The following DAP variants were observed in gnomAD, a reference collection of about 807,000 sequenced individuals.
DAP encodes death associated protein.
A neutral mutation model predicts 13.8 loss-of-function variants in DAP; 8 were observed. The observed-to-expected ratio is 0.58, with a 90% CI of 0.34 to 1.05. The LOEUF (loss-of-function observed/expected upper bound fraction) is 1.05, where lower values mean the gene tolerates loss of function less well. DAP is among the 50% of genes least tolerant of loss of function. The pLI is 0.03. For synonymous variants in DAP, 47 were observed against 47.5 expected, an observed-to-expected ratio of 0.99 and a Z score of 0.04; for missense variants, 106 against 133.2, an observed-to-expected ratio of 0.80 and a Z score of 1.01.
intron 2 of DAP, among the ~76,000 whole-genome samples, chr5:10,730,736 CCCTGGTGGGGGGAATCTTTCTCTACTGAG>C: frequency 8.4e-6 from 1 of 118,368 alleles, no homozygotes; most frequent in Admixed American, 8.9e-5. Flanking sequence ...GTACTGAGAG[CCCTGGTGGGGGGAATCTTTCTCTACTGAG>C]AGCCCTGGTA....
chr5:10,698,424 C>G (rs1404658311), intron 2 of DAP, among the ~76,000 whole-genome samples: 1 of 152,118 alleles, frequency 6.6e-6, no homozygotes, highest in Non-Finnish European at 1.5e-5. Context: ...CCTTCACCCA[C>G]GTTTATAGCA....
rs148041255 is a variant in DAP at position 10,683,530 on chromosome 5, C to T, written c.194G>A (p.Arg65Gln). ...CACCGCAGACACTCCCAGACTTACC[C>T]GGGCGATGACCCCAGAGATGAACAC... Reference protein sequence around the residue: ...PTVFISGVIARGDKDFPPAAA... With the variant: ...PTVFISGVIAQGDKDFPPAAA... Residue 65 changes from arginine (R) to glutamine (Q), a missense_variant and splice_region_variant, in exon 3 of 4, where the codon CGG becomes CAG. Physicochemically the swap from Arg to Gln is conservative, Grantham distance 43 (BLOSUM62 1). Coordinates refer to ENST00000230895, the MANE Select transcript of DAP (RefSeq NM_004394.3). 1.6e-3 allele frequency: 2,651 copies of T among 1,613,988 alleles called. 12 individuals are homozygous for T. Among genetic ancestry groups the T allele is most frequent in the Non-Finnish European group, 1.9e-3 (2,244 of 1,179,978 alleles).
At chr5:10,726,605 C>T (rs1301115907) in intron 2 of DAP, among the ~76,000 whole-genome samples, 6 of 152,260 alleles carry the variant, frequency 3.9e-5, no homozygotes, top group African/African-American at 1.4e-4. Context: ...TGCTCTTCAG[C>T]CCCTGCCACT....
chr5:10,759,124 T>G (rs1043164328), intron 1 of DAP, among the ~76,000 whole-genome samples: 1 of 151,902 alleles, frequency 6.6e-6, no homozygotes, highest in African/African-American at 2.4e-5. Flanking sequence ...AAGGCGGAGG[T>G]TGCAGTGAGC....
At chr5:10,691,906 A>G (rs779884087) in intron 2 of DAP, among the ~76,000 whole-genome samples, 4 of 152,194 alleles carry the variant, frequency 2.6e-5, no homozygotes, top group Non-Finnish European at 4.4e-5. Flanking sequence ...CAAACTCTTA[A>G]AAGGACCCTT....
intron 2 of DAP, among the ~76,000 whole-genome samples, chr5:10,735,712 C>A (rs1033692571): frequency 2.0e-5 from 3 of 151,626 alleles, no homozygotes; most frequent in African/African-American, 7.3e-5. Context: ...AGTGCTCAGC[C>A]TGAGCAACAG....
At chr5:10,696,425 G>A (rs1173491066) in intron 2 of DAP, among the ~76,000 whole-genome samples, 1 of 152,196 alleles carries the variant, frequency 6.6e-6, no homozygotes, top group Non-Finnish European at 1.5e-5. Context: ...CAGAACCACA[G>A]ACAAAAGCAG....
intron 2 of DAP, among the ~76,000 whole-genome samples, chr5:10,731,259 C>A (rs189300768): frequency 2.7e-4 from 34 of 125,028 alleles, no homozygotes; most frequent in East Asian, 4.8e-4. Flanking sequence ...ACTGAGAGCC[C>A]TGGTGGGGGG....
chr5:10,735,538 C>T (rs924471004), intron 2 of DAP, among the ~76,000 whole-genome samples: 14 of 152,112 alleles, frequency 9.2e-5, no homozygotes, highest in Non-Finnish European at 1.5e-5. Context: ...TGTTTCATAA[C>T]TTATATAGTG....
At chr5:10,760,952 G>GC in intron 1 of DAP, 62 bp downstream of exon 1, 3 of 1,087,904 alleles carry the variant, frequency 2.8e-6, no homozygotes, top group East Asian at 4.0e-5. Flanking sequence ...CCCGCCCGGC[G>GC]CCCCCGGGTT....
chr5:10,693,951 G>A (rs532151494), intron 2 of DAP, among the ~76,000 whole-genome samples: 5 of 152,122 alleles, frequency 3.3e-5, no homozygotes, highest in African/African-American at 7.2e-5. Flanking sequence ...GAGTTCCTTC[G>A]GCAGGTGATG....
intron 2 of DAP, among the ~76,000 whole-genome samples, chr5:10,741,335 A>AATC (rs1739749162): frequency 6.6e-6 from 1 of 152,346 alleles, no homozygotes; most frequent in Admixed American, 6.5e-5. Flanking sequence ...CCTGGGTGGC[A>AATC]GAGTGAGACC....
chr5:10,708,202 G>C (rs1462578410), intron 2 of DAP, among the ~76,000 whole-genome samples: 1 of 152,120 alleles, frequency 6.6e-6, no homozygotes, highest in Non-Finnish European at 1.5e-5. Context: ...TTGCTTAAAA[G>C]ATTTTCTATC....
intron 1 of DAP, among the ~76,000 whole-genome samples, chr5:10,750,544 C>T (rs1047310814): frequency 1.3e-5 from 2 of 152,208 alleles, no homozygotes; most frequent in Non-Finnish European, 2.9e-5. Flanking sequence ...GTTCAGTAAT[C>T]CTCTCAAAAA....
intron 2 of DAP, 71 bp from the exon 3 acceptor site, chr5:10,683,642 G>A: frequency 6.8e-7 from 1 of 1,470,808 alleles, no homozygotes; most frequent in Admixed American, 1.7e-5. Context: ...GGCAGACGAT[G>A]TGTATGTGGA....
chr5:10,741,452 C>T (rs1252575429), intron 2 of DAP, among the ~76,000 whole-genome samples: 1 of 151,862 alleles, frequency 6.6e-6, no homozygotes, highest in Non-Finnish European at 1.5e-5. Flanking sequence ...TCTTGGAGGG[C>T]CAGGAGATAA....
intron 1 of DAP, among the ~76,000 whole-genome samples, chr5:10,760,778 G>C (rs11740255): frequency 0.49 from 74,576 of 152,080 alleles, 22,238 homozygotes; most frequent in Non-Finnish European, 0.68. Context: ...GCCGCCCGCG[G>C]TCCTCAGGAA....
At chr5:10,703,088 G>T (rs1221946804) in intron 2 of DAP, among the ~76,000 whole-genome samples, 1 of 152,162 alleles carries the variant, frequency 6.6e-6, no homozygotes, top group African/African-American at 2.4e-5. Context: ...TGAATGCTGG[G>T]AAACAGCCTG....
chr5:10,759,809 C>G (rs1253448274), intron 1 of DAP, among the ~76,000 whole-genome samples: 2 of 120,426 alleles, frequency 1.7e-5, no homozygotes, highest in Non-Finnish European at 3.2e-5. Flanking sequence ...GGCTGGAGTG[C>G]TTTGGCTCAA....
Sources: allele counts gnomAD v4.1 joint callset (sites outside exome capture counted in the v4.1 genomes callset), GRCh38; gene constraint gnomAD v4.1.1; transcripts MANE v1.5; gene names NCBI Gene and HGNC (gene_info 2026-07-23, HGNC 2026-07-21).